Variants in SMARCC1 observed in about 807,000 individuals in gnomAD.
SMARCC1 encodes SWI/SNF complex subunit SMARCC1.
In SMARCC1, 43 loss-of-function variants were observed where a neutral mutation model predicts 147.4. The observed-to-expected ratio is 0.29, with a 90% CI of 0.23 to 0.38. The LOEUF (loss-of-function observed/expected upper bound fraction) is 0.38, where lower values mean the gene tolerates loss of function less well. Ranked by LOEUF, SMARCC1 falls within the 10% of genes least tolerant of loss-of-function variation. The pLI is 1.00. For missense variants in SMARCC1, 1,119 were observed against 1,381.1 expected, an observed-to-expected ratio of 0.81 and a Z score of 3.01; for synonymous variants, 495 against 484.4, an observed-to-expected ratio of 1.02 and a Z score of -0.29.
chr3:47,628,362 A>G (rs1364585609), intron 24 of SMARCC1, among the ~76,000 whole-genome samples: 1 of 152,172 alleles, frequency 6.6e-6, no homozygotes, highest in Non-Finnish European at 1.5e-5. Flanking sequence ...TTCACCTCTC[A>G]GCTTCTTTGC....
intron 11 of SMARCC1, among the ~76,000 whole-genome samples, chr3:47,697,254 G>A (rs932987063): frequency 1.3e-5 from 2 of 151,724 alleles, no homozygotes; most frequent in Non-Finnish European, 2.9e-5. Context: ...GCAGCAAGAC[G>A]TGACTGCCAA....
chr3:47,735,760 CA>C (rs1287018307), intron 5 of SMARCC1, among the ~76,000 whole-genome samples: 1 of 151,576 alleles, frequency 6.6e-6, no homozygotes, highest in Non-Finnish European at 1.5e-5. Flanking sequence ...TCAACCACAA[CA>C]ACAAAAAAAC....
At chr3:47,777,029 C>T (rs1272937608) in intron 1 of SMARCC1, among the ~76,000 whole-genome samples, 1 of 151,660 alleles carries the variant, frequency 6.6e-6, no homozygotes, top group Admixed American at 6.6e-5. Flanking sequence ...CTGCCTCGGT[C>T]TCCCAAAGTG....
intron 18 of SMARCC1, among the ~76,000 whole-genome samples, chr3:47,672,953 A>ATT (rs936432342): frequency 6.9e-6 from 1 of 145,110 alleles, no homozygotes; most frequent in Non-Finnish European, 1.5e-5. Flanking sequence ...TAGTTTCAGT[A>ATT]TTTTTTTTTT....
intron 2 of SMARCC1, among the ~76,000 whole-genome samples, chr3:47,754,157 T>TTTGACTTA (rs1466192740): frequency 6.6e-6 from 1 of 152,072 alleles, no homozygotes. Context: ...ATGAAGCACT[T>TTTGACTTA]TTGACTTATT....
At chr3:47,593,071 C>T (rs570457525) in intron 26 of SMARCC1, among the ~76,000 whole-genome samples, 88 of 152,084 alleles carry the variant, frequency 5.8e-4, no homozygotes, top group Non-Finnish European at 9.6e-4. Flanking sequence ...AAGTGATCCA[C>T]CCACCTCAGG....
At chr3:47,682,254 C>T (rs948922646) in intron 14 of SMARCC1, among the ~76,000 whole-genome samples, 1 of 146,910 alleles carries the variant, frequency 6.8e-6, no homozygotes, top group Non-Finnish European at 1.5e-5. Flanking sequence ...GATATCGCGC[C>T]ACTGCACTCC....
chr3:47,774,054 T>C (rs1277407289), intron 1 of SMARCC1, among the ~76,000 whole-genome samples: 1 of 152,038 alleles, frequency 6.6e-6, no homozygotes, highest in East Asian at 1.9e-4. Flanking sequence ...CGAACTACCA[T>C]CCAACATTTC....
intron 2 of SMARCC1, among the ~76,000 whole-genome samples, chr3:47,752,862 T>C (rs112203979): frequency 1.3e-4 from 20 of 152,270 alleles, no homozygotes; most frequent in African/African-American, 4.6e-4. Flanking sequence ...TTAGAGACTC[T>C]GGGGGTCAAA....
At chr3:47,598,645 C>T (rs575521000) in intron 26 of SMARCC1, among the ~76,000 whole-genome samples, 1 of 151,990 alleles carries the variant, frequency 6.6e-6, no homozygotes, top group South Asian at 2.1e-4. Context: ...GCCTGGCCAA[C>T]ATAGTGAAAC....
chr3:47,648,888 T>C (rs1052062253), intron 21 of SMARCC1, among the ~76,000 whole-genome samples: 3 of 152,186 alleles, frequency 2.0e-5, no homozygotes, highest in Non-Finnish European at 4.4e-5. Context: ...AAGGGGAATA[T>C]CTCAAATATC....
chr3:47,657,958 A>G (rs936505187), intron 21 of SMARCC1, among the ~76,000 whole-genome samples: 1 of 152,076 alleles, frequency 6.6e-6, no homozygotes, highest in Non-Finnish European at 1.5e-5. Context: ...CTCAAATAAC[A>G]TACTCTACCT....
chr3:47,601,468 AG>A (rs1040169725), intron 26 of SMARCC1, among the ~76,000 whole-genome samples: 11 of 152,152 alleles, frequency 7.2e-5, no homozygotes, highest in African/African-American at 2.7e-4. Flanking sequence ...GGGCCAAGTG[AG>A]GGGAAGCCCA....
At chr3:47,594,654 G>A (rs1362475752) in intron 26 of SMARCC1, among the ~76,000 whole-genome samples, 2 of 152,156 alleles carry the variant, frequency 1.3e-5, no homozygotes, top group Admixed American at 1.3e-4. Context: ...CTTTCCAGCT[G>A]ATCAATAAAA....
chr3:47,668,347 C>T (rs2033450443), intron 19 of SMARCC1, among the ~76,000 whole-genome samples: 1 of 152,140 alleles, frequency 6.6e-6, no homozygotes, highest in South Asian at 2.1e-4. Context: ...CTTGATCTTA[C>T]AGAGTAATTT....
In SMARCC1 at chr3:47,585,764, T is replaced by C. The variant is rs565147651; in HGVS notation, c.*2445A>G. ...CCTTACACATCATGAAGGTGGGCAGTCGGGAAGGAAGCCCGAGTCACAGAA... is the reference window on the plus strand; with the variant it reads ...CCTTACACATCATGAAGGTGGGCAGCCGGGAAGGAAGCCCGAGTCACAGAA... On this transcript the variant is annotated 3_prime_UTR_variant, in exon 28 of 28. Coordinates refer to ENST00000254480, the MANE Select transcript of SMARCC1 (RefSeq NM_003074.4). 6.6e-6 allele frequency: 1 copy of C among 152,316 alleles called. No homozygotes were observed. The highest frequency in any genetic ancestry group is 2.4e-5 in the African/African-American group (1 of 41,558). The allele number at this position is 152,316 out of a possible 1,614,324, so 9.4% of individuals were successfully genotyped here.
At chr3:47,718,486 A>G (rs1337189089) in intron 7 of SMARCC1, among the ~76,000 whole-genome samples, 1 of 152,152 alleles carries the variant, frequency 6.6e-6, no homozygotes, top group Non-Finnish European at 1.5e-5. Context: ...TAAAACACTT[A>G]TGATTCAAAT....
chr3:47,624,606 C>T (rs2032780908), intron 24 of SMARCC1, among the ~76,000 whole-genome samples: 1 of 152,118 alleles, frequency 6.6e-6, no homozygotes, highest in African/African-American at 2.4e-5. Flanking sequence ...AAATCAAGGA[C>T]TAAAAAGCTC....
At chr3:47,727,680 A>ACC (rs1420739617) in intron 6 of SMARCC1, among the ~76,000 whole-genome samples, 1 of 151,716 alleles carries the variant, frequency 6.6e-6, no homozygotes, top group South Asian at 2.1e-4. Context: ...CAGTGGTGCA[A>ACC]TCTCAGCTCA....
Sources: gnomAD v4.1 joint callset for allele counts (sites outside exome capture counted in the v4.1 genomes callset) on GRCh38, gnomAD v4.1.1 for gene constraint, MANE v1.5 for transcripts, NCBI Gene and HGNC (gene_info 2026-07-23, HGNC 2026-07-21) for gene names.